The following BASP1 variants were observed in gnomAD, a reference collection of about 807,000 sequenced individuals.
BASP1 encodes brain abundant membrane attached signal protein 1.
A neutral mutation model predicts 2.2 loss-of-function variants in BASP1; 1 was observed. The ratio of observed to expected loss-of-function variants is 0.46; its 90% CI spans 0.16 to 2.17. The LOEUF is 2.17. Among genes scored for constraint, BASP1 ranks in the 30% most tolerant of loss-of-function variants. The pLI is 0.27. For synonymous variants in BASP1, 187 were observed against 154.2 expected, an observed-to-expected ratio of 1.21 and a Z score of -1.58; for missense variants, 352 against 327.2, an observed-to-expected ratio of 1.08 and a Z score of -0.58.
At chr5:17,247,873 G>A (rs942637023) in intron 1 of BASP1, among the ~76,000 whole-genome samples, 6 of 152,192 alleles carry the variant, frequency 3.9e-5, no homozygotes, top group African/African-American at 1.2e-4. Context: ...TAGCGTTTTT[G>A]TGGTCTCTCT....
chr5:17,266,681 G>T (rs547758522), intron 1 of BASP1, among the ~76,000 whole-genome samples: 1 of 152,028 alleles, frequency 6.6e-6, no homozygotes, highest in South Asian at 2.1e-4. Flanking sequence ...CAGGTGTGGT[G>T]GTGCACAGGT....
At position 17,240,889 on chromosome 5, in the gene BASP1, C is replaced by T. The variant is rs536581088; in HGVS notation, c.-10+23079C>T. Reference sequence around the variant, plus strand: ...AAGATAAAACTCTTGTGATTTTGATCTTAAGTTGGAAACATAAAACCATCG... The same window carrying T: ...AAGATAAAACTCTTGTGATTTTGATTTTAAGTTGGAAACATAAAACCATCG... On this transcript the variant is annotated intron_variant, in intron 1 of 1. Coordinates refer to ENST00000322611, the MANE Select transcript of BASP1 (RefSeq NM_006317.5). Among the ~76,000 whole-genome samples the T allele has an allele frequency of 1.2e-4, 19 of 152,208 alleles. 1 individual carries two copies. In the East Asian group the frequency reaches 3.3e-3, roughly 26 times the overall value.
intron 1 of BASP1, among the ~76,000 whole-genome samples, chr5:17,245,601 T>C (rs1739968123): frequency 6.6e-6 from 1 of 152,100 alleles, no homozygotes. Context: ...GATAATAAAT[T>C]TTATAGGCCT....
At chr5:17,274,756 G>A (rs1214928659) in intron 1 of BASP1, among the ~76,000 whole-genome samples, 2 of 152,156 alleles carry the variant, frequency 1.3e-5, no homozygotes, top group African/African-American at 4.8e-5. Flanking sequence ...GTGACACATT[G>A]TTTTAAAAAC....
chr5:17,261,852 T>A (rs1740321370), intron 1 of BASP1, among the ~76,000 whole-genome samples: 1 of 152,214 alleles, frequency 6.6e-6, no homozygotes, highest in Non-Finnish European at 1.5e-5. Flanking sequence ...CAACACTCTC[T>A]GGTATTGACC....
chr5:17,233,326 T>C (rs1739672266), intron 1 of BASP1, among the ~76,000 whole-genome samples: 1 of 152,214 alleles, frequency 6.6e-6, no homozygotes, highest in South Asian at 2.1e-4. Context: ...TTGTCTCATT[T>C]TAAATGAATT....
intron 1 of BASP1, among the ~76,000 whole-genome samples, chr5:17,224,614 C>T (rs200243745): frequency 2.2e-4 from 34 of 152,280 alleles, no homozygotes; most frequent in Admixed American, 6.5e-4. Flanking sequence ...ATCAGTATTA[C>T]GTTAAATTGC....
intron 1 of BASP1, among the ~76,000 whole-genome samples, chr5:17,231,758 G>A (rs553601525): frequency 1.3e-4 from 20 of 152,284 alleles, no homozygotes; most frequent in South Asian, 1.2e-3. Flanking sequence ...ATTATGTAAC[G>A]TCTCTGCTCC....
chr5:17,234,593 A>C (rs1376182661), intron 1 of BASP1, among the ~76,000 whole-genome samples: 1 of 152,182 alleles, frequency 6.6e-6, no homozygotes, highest in Non-Finnish European at 1.5e-5. Flanking sequence ...CTACCATGTG[A>C]ATGTGACGTG....
intron 1 of BASP1, among the ~76,000 whole-genome samples, chr5:17,249,462 C>T (rs2126506363): frequency 6.6e-6 from 1 of 152,272 alleles, no homozygotes; most frequent in Middle Eastern, 3.4e-3. Context: ...TGAGGAATTT[C>T]AGAAGCCAGA....
At chr5:17,226,121 G>A (rs1739498181) in intron 1 of BASP1, among the ~76,000 whole-genome samples, 1 of 152,164 alleles carries the variant, frequency 6.6e-6, no homozygotes, top group Non-Finnish European at 1.5e-5. Context: ...ACATTTTCCA[G>A]AGAAACCCAC....
intron 1 of BASP1, among the ~76,000 whole-genome samples, chr5:17,244,290 G>A (rs1739932619): frequency 1.3e-5 from 2 of 152,084 alleles, no homozygotes. Context: ...GATTCTCTAT[G>A]GTGTCACTTT....
chr5:17,233,511 A>G (rs944269962), intron 1 of BASP1, among the ~76,000 whole-genome samples: 1 of 152,224 alleles, frequency 6.6e-6, no homozygotes, highest in African/African-American at 2.4e-5. Flanking sequence ...ATCAGGTAGT[A>G]GAATGGGAAG....
At chr5:17,238,540 A>G (rs1739793825) in intron 1 of BASP1, among the ~76,000 whole-genome samples, 1 of 152,150 alleles carries the variant, frequency 6.6e-6, no homozygotes, top group African/African-American at 2.4e-5. Flanking sequence ...AAACCATGGA[A>G]GCTGGGATAA....
At chr5:17,257,412 C>G (rs1032329623) in intron 1 of BASP1, among the ~76,000 whole-genome samples, 1 of 152,128 alleles carries the variant, frequency 6.6e-6, no homozygotes, top group African/African-American at 2.4e-5. Flanking sequence ...CGATCTTTTA[C>G]TTAATCTTGA....
At chr5:17,249,827 G>C (rs1033500047) in intron 1 of BASP1, among the ~76,000 whole-genome samples, 1 of 152,092 alleles carries the variant, frequency 6.6e-6, no homozygotes, top group African/African-American at 2.4e-5. Flanking sequence ...CATTTGTAAG[G>C]CTTCTCATTC....
At chr5:17,255,492 T>C (rs2126510500) in intron 1 of BASP1, among the ~76,000 whole-genome samples, 1 of 152,306 alleles carries the variant, frequency 6.6e-6, no homozygotes, top group Admixed American at 6.5e-5. Context: ...GAGAATCATG[T>C]GGAATCTGTG....
intron 1 of BASP1, among the ~76,000 whole-genome samples, chr5:17,227,165 G>A (rs1318665198): frequency 6.6e-6 from 1 of 151,324 alleles, no homozygotes; most frequent in Non-Finnish European, 1.5e-5. Flanking sequence ...TCCTGACTTC[G>A]TGATCCACCT....
chr5:17,273,761 C>G (rs1276224016), intron 1 of BASP1, among the ~76,000 whole-genome samples: 1 of 152,154 alleles, frequency 6.6e-6, no homozygotes, highest in Non-Finnish European at 1.5e-5. Context: ...TGGGCAAAAC[C>G]AGGTGGTTCC....
Sources: allele counts gnomAD v4.1 joint callset (sites outside exome capture counted in the v4.1 genomes callset), GRCh38; gene constraint gnomAD v4.1.1; transcripts MANE v1.5; gene names NCBI Gene and HGNC (gene_info 2026-07-23, HGNC 2026-07-21).